Variants in CNTN4 observed in about 807,000 individuals in gnomAD.
CNTN4 encodes contactin 4, also known as contactin-4.
A neutral mutation model predicts 122.5 loss-of-function variants in CNTN4; 77 were observed. The observed-to-expected ratio is 0.63, with a 90% CI of 0.52 to 0.76. The LOEUF is 0.76. Ranked by LOEUF, CNTN4 falls within the 30% of genes least tolerant of loss-of-function variation. CNTN4 has a pLI of 0.00. For synonymous variants in CNTN4, 512 were observed against 447.0 expected, an observed-to-expected ratio of 1.15 and a Z score of -1.83; for missense variants, 1,256 against 1,259.1, an observed-to-expected ratio of 1.00 and a Z score of 0.04.
At chr3:2,953,329 C>G (rs1183747431) in intron 13 of CNTN4, among the ~76,000 whole-genome samples, 1 of 152,062 alleles carries the variant, frequency 6.6e-6, no homozygotes, top group African/African-American at 2.4e-5. Context: ...TAATGACCAG[C>G]TTCCATTCTT....
At chr3:2,593,755 G>A (rs2080617685) in intron 4 of CNTN4, among the ~76,000 whole-genome samples, 1 of 152,084 alleles carries the variant, frequency 6.6e-6, no homozygotes, top group Non-Finnish European at 1.5e-5. Context: ...AGCCAGTTTT[G>A]CCTTATAGCT....
chr3:2,120,476 G>A (rs1196504634), intron 2 of CNTN4, among the ~76,000 whole-genome samples: 3 of 144,132 alleles, frequency 2.1e-5, no homozygotes, highest in Non-Finnish European at 4.5e-5. Flanking sequence ...TGGTCTCCAC[G>A]GACTGCGAGC....
chr3:2,883,316 T>A, intron 9 of CNTN4, 69 bp downstream of exon 9: 1 of 1,116,322 alleles, frequency 9.0e-7, no homozygotes, highest in Non-Finnish European at 1.3e-6. Flanking sequence ...TTTCTTGCAC[T>A]GTTCACAGCG....
intron 6 of CNTN4, among the ~76,000 whole-genome samples, chr3:2,795,680 T>C (rs902336241): frequency 5.3e-5 from 8 of 151,874 alleles, no homozygotes; most frequent in African/African-American, 1.9e-4. Context: ...AAGACCACGC[T>C]CAGCTAATTT....
chr3:2,579,906 A>C (rs1226138333), intron 4 of CNTN4, among the ~76,000 whole-genome samples: 1 of 152,302 alleles, frequency 6.6e-6, no homozygotes, highest in Middle Eastern at 3.4e-3. Flanking sequence ...TTAGAACATT[A>C]GTTTCTGGCC....
intron 4 of CNTN4, among the ~76,000 whole-genome samples, chr3:2,666,475 G>T (rs547204895): frequency 6.6e-6 from 1 of 152,156 alleles, no homozygotes; most frequent in Non-Finnish European, 1.5e-5. Context: ...GCTCTTTTAT[G>T]ATCACTGTTG....
chr3:2,870,284 A>T (rs2093769789), intron 8 of CNTN4, among the ~76,000 whole-genome samples: 1 of 152,220 alleles, frequency 6.6e-6, no homozygotes, highest in Non-Finnish European at 1.5e-5. Flanking sequence ...TTTATCACAA[A>T]GTTAGCAGAC....
intron 7 of CNTN4, among the ~76,000 whole-genome samples, chr3:2,853,618 A>T (rs1467629188): frequency 6.6e-6 from 1 of 152,082 alleles, no homozygotes; most frequent in East Asian, 1.9e-4. Context: ...TGAGGAATTC[A>T]ACCACCACAT....
At chr3:2,355,416 C>T (rs796301818) in intron 3 of CNTN4, among the ~76,000 whole-genome samples, 3 of 152,248 alleles carry the variant, frequency 2.0e-5, no homozygotes, top group African/African-American at 7.2e-5. Context: ...AACAGAAACC[C>T]TCTTAATTTA....
At chr3:2,121,970 G>A (rs1488705639) in intron 2 of CNTN4, among the ~76,000 whole-genome samples, 4 of 151,834 alleles carry the variant, frequency 2.6e-5, no homozygotes, top group East Asian at 2.0e-4. Flanking sequence ...TCGAGACCAC[G>A]GTGAAACCCC....
intron 2 of CNTN4, among the ~76,000 whole-genome samples, chr3:2,289,439 T>C (rs1024046696): frequency 9.0e-4 from 137 of 152,360 alleles, no homozygotes; most frequent in African/African-American, 2.8e-3. Flanking sequence ...AGAGTTTCTA[T>C]AAGGATTAAA....
At chr3:2,453,406 G>A (rs535380860) in intron 3 of CNTN4, among the ~76,000 whole-genome samples, 16 of 152,160 alleles carry the variant, frequency 1.1e-4, no homozygotes, top group Non-Finnish European at 2.1e-4. Context: ...CGAAAATCTC[G>A]AAAAGCAGTA....
intron 6 of CNTN4, among the ~76,000 whole-genome samples, chr3:2,787,709 C>T (rs1415570562): frequency 2.6e-5 from 4 of 152,048 alleles, no homozygotes; most frequent in African/African-American, 7.2e-5. Flanking sequence ...GATGCAATAG[C>T]GCATACTTTG....
chr3:2,920,449 T>C (rs971928395), intron 12 of CNTN4, among the ~76,000 whole-genome samples: 2 of 151,702 alleles, frequency 1.3e-5, no homozygotes, highest in African/African-American at 4.8e-5. Flanking sequence ...ATCAGTTTCT[T>C]TGTTTTTGTA....
intron 2 of CNTN4, among the ~76,000 whole-genome samples, chr3:2,301,530 C>G (rs76641397): frequency 0.018 from 2,698 of 152,268 alleles, 85 homozygotes; most frequent in African/African-American, 0.062. Flanking sequence ...CTTTTTCATA[C>G]CAGAGGCCCT....
At chr3:2,186,288 T>A (rs1391201964) in intron 2 of CNTN4, among the ~76,000 whole-genome samples, 2 of 151,618 alleles carry the variant, frequency 1.3e-5, no homozygotes, top group Non-Finnish European at 1.5e-5. Flanking sequence ...GCATAGTATT[T>A]CATGGTGTAT....
At chr3:2,807,212 A>AT (rs2092489241) in intron 6 of CNTN4, among the ~76,000 whole-genome samples, 1 of 152,218 alleles carries the variant, frequency 6.6e-6, no homozygotes, top group South Asian at 2.1e-4. Context: ...GAGCAATGGC[A>AT]TTTCTAAGAA....
chr3:2,348,019 G>GT (rs2044469672), intron 3 of CNTN4, among the ~76,000 whole-genome samples: 1 of 151,900 alleles, frequency 6.6e-6, no homozygotes, highest in Non-Finnish European at 1.5e-5. Flanking sequence ...TTTCATGGTA[G>GT]TTTTTATTTC....
intron 4 of CNTN4, among the ~76,000 whole-genome samples, chr3:2,597,474 G>T (rs2080823754): frequency 6.6e-6 from 1 of 152,168 alleles, no homozygotes; most frequent in Admixed American, 6.5e-5. Flanking sequence ...CGAAAGTATT[G>T]TGTCTTGACA....
Sources: allele counts gnomAD v4.1 joint callset (sites outside exome capture counted in the v4.1 genomes callset), GRCh38; gene constraint gnomAD v4.1.1; transcripts MANE v1.5; gene names NCBI Gene and HGNC (gene_info 2026-07-23, HGNC 2026-07-21).